The following UBR2 variants were observed in gnomAD, a reference collection of about 807,000 sequenced individuals.
UBR2 encodes the protein ubiquitin protein ligase E3 component n-recognin 2, also known as E3 ubiquitin-protein ligase UBR2.
A neutral mutation model predicts 247.9 loss-of-function variants in UBR2; 92 were observed. The ratio of observed to expected loss-of-function variants is 0.37; its 90% CI spans 0.31 to 0.44. UBR2 has a LOEUF of 0.44. UBR2 is among the 20% of genes least tolerant of loss of function. The pLI is 1.00. For missense variants in UBR2, 1,613 were observed against 2,112.6 expected, an observed-to-expected ratio of 0.76 and a Z score of 4.64; for synonymous variants, 672 against 693.5, an observed-to-expected ratio of 0.97 and a Z score of 0.49.
chr6:42,660,782 C>A (rs1749125689), intron 30 of UBR2, among the ~76,000 whole-genome samples: 2 of 149,442 alleles, frequency 1.3e-5, no homozygotes, highest in Non-Finnish European at 3.0e-5. Context: ...GCCAACATGG[C>A]GAAACCCCAT....
chr6:42,631,444 T>C (rs1795703999), intron 11 of UBR2, among the ~76,000 whole-genome samples: 3 of 152,194 alleles, frequency 2.0e-5, no homozygotes, highest in Admixed American at 2.0e-4. Context: ...TGAGCCTCTT[T>C]GTGGAAACAA....
chr6:42,657,355 A>G (rs1797503083), intron 26 of UBR2, among the ~76,000 whole-genome samples: 1 of 152,148 alleles, frequency 6.6e-6, no homozygotes, highest in Non-Finnish European at 1.5e-5. Flanking sequence ...ATTAAGACAC[A>G]CGATTTATTT....
intron 35 of UBR2, 49 bp downstream of exon 35, chr6:42,670,289 A>G: frequency 2.5e-6 from 4 of 1,594,720 alleles, no homozygotes; most frequent in South Asian, 1.1e-5. Flanking sequence ...ATTCATTGAT[A>G]TGAATTAGGC....
chr6:42,619,574 C>G, intron 11 of UBR2: 1 of 223,154 alleles, frequency 4.5e-6, no homozygotes, highest in Non-Finnish European at 8.6e-6. Flanking sequence ...CATGGTGAAA[C>G]CCCATCTCTA....
chr6:42,675,222 G>C (rs1160225188), intron 38 of UBR2, among the ~76,000 whole-genome samples: 1 of 152,202 alleles, frequency 6.6e-6, no homozygotes, highest in Non-Finnish European at 1.5e-5. Context: ...CTGCCATGCA[G>C]ACAGCAGGAG....
chr6:42,679,649 C>T, intron 41 of UBR2, 75 bp from the exon 42 acceptor site: 8 of 1,079,136 alleles, frequency 7.4e-6, no homozygotes, highest in Admixed American at 6.5e-5. Flanking sequence ...TTTTTAAACT[C>T]TGCTATTGCT....
chr6:42,667,587 C>CTTTTTTTTTT (rs1161068427), intron 34 of UBR2, among the ~76,000 whole-genome samples: 539 of 47,396 alleles, frequency 0.011, 8 homozygotes, highest in East Asian at 0.013. Flanking sequence ...ACAGTTTTGT[C>CTTTTTTTTTT]TTTTTTTTTT....
At chr6:42,637,280 C>CA in intron 15 of UBR2, 86 bp downstream of exon 15, 1 of 1,381,106 alleles carries the variant, frequency 7.2e-7, no homozygotes, top group East Asian at 2.4e-5. Flanking sequence ...TTACTTTGTG[C>CA]CAGATGTTAT....
chr6:42,651,009 C>G (rs1347997218), intron 23 of UBR2, among the ~76,000 whole-genome samples: 1 of 151,956 alleles, frequency 6.6e-6, no homozygotes, highest in Non-Finnish European at 1.5e-5. Context: ...ATCGCTTGAG[C>G]TCAGGAGTTC....
chr6:42,589,413 A>G (rs1582467221), intron 2 of UBR2, among the ~76,000 whole-genome samples: 2 of 152,168 alleles, frequency 1.3e-5, no homozygotes, highest in East Asian at 1.9e-4. Context: ...ACGTTGTTGG[A>G]TTCAATTTGC....
intron 24 of UBR2, 111 bp downstream of exon 24, chr6:42,652,182 T>G: frequency 9.3e-7 from 1 of 1,078,762 alleles, no homozygotes; most frequent in Non-Finnish European, 1.3e-6. Context: ...AAATGTAAGC[T>G]TTCCTAGTGA....
intron 17 of UBR2, 123 bp downstream of exon 17, chr6:42,641,815 T>A: frequency 1.5e-6 from 1 of 668,004 alleles, no homozygotes. Context: ...TTGAAAAGAT[T>A]AATGATAAAA....
At chr6:42,616,422 A>G (rs1236939905) in intron 10 of UBR2, among the ~76,000 whole-genome samples, 2 of 152,022 alleles carry the variant, frequency 1.3e-5, no homozygotes, top group African/African-American at 4.8e-5. Context: ...TTTAAATGAC[A>G]TATATATGAA....
intron 34 of UBR2, among the ~76,000 whole-genome samples, chr6:42,667,650 T>C (rs1385408234): frequency 7.1e-6 from 1 of 141,536 alleles, no homozygotes; most frequent in Non-Finnish European, 1.6e-5. Flanking sequence ...CTCAGTTTTG[T>C]CTTTCTTATA....
intron 14 of UBR2, 64 bp from the exon 15 acceptor site, chr6:42,636,947 T>C: frequency 6.5e-7 from 1 of 1,528,704 alleles, no homozygotes; most frequent in South Asian, 1.2e-5. Context: ...GAATTTAAGG[T>C]GCTTATTCAA....
chr6:42,564,243 C>A lies in UBR2; in HGVS notation c.-77C>A. ...GACTGATTGCCTGGGGCAGGGGTGG[C>A]AGTCGAGGCCGCCGGGGCCGAGGTG... is the stretch of plus-strand genomic sequence containing the variant. On this transcript the variant is annotated 5_prime_UTR_variant, in exon 1 of 47. Transcript: ENST00000372901. 1 of 1,527,712 alleles carries A rather than the reference C, an allele frequency of 6.5e-7. No homozygotes were observed. The highest frequency in any genetic ancestry group is 8.9e-7 in the Non-Finnish European group (1 of 1,125,466). 94.6% of individuals were successfully genotyped at this position (1,527,712 alleles called of 1,614,324 possible).
rs528610964 is a variant in UBR2, at chr6:42,600,485, G to A, written c.532-3103G>A. Among the ~76,000 whole-genome samples, 711 of 152,076 alleles carry A rather than the reference G, an allele frequency of 4.7e-3. 5 individuals carry two copies. The highest frequency in any genetic ancestry group is 0.016 in the African/African-American group (683 of 41,460). On this transcript the variant is annotated intron_variant, in intron 4 of 46. Coordinates refer to ENST00000372901, the MANE Select transcript of UBR2 (RefSeq NM_001363705.2). ...CATTTAATTTACCATCATAACATTC[G>A]TAGACTTGTACAGCTGTAGCATCTT...
chr6:42,592,140 T>A lies in UBR2; in HGVS notation c.339-11T>A. The A allele has an allele frequency of 6.3e-7, 1 of 1,598,364 alleles. No homozygotes were observed. The highest frequency in any genetic ancestry group is 8.5e-7 in the Non-Finnish European group (1 of 1,174,692). ...TTCTGACACTTTGATTTTTTTTTTT[T>A]AACTTTACAGAGACTGTGCAGTTGA... On this transcript the variant is annotated splice_polypyrimidine_tract_variant and intron_variant, in intron 2 of 46. Transcript: ENST00000372901.
chr6:42,647,026 T>C (rs1157885430), intron 21 of UBR2, among the ~76,000 whole-genome samples: 3 of 151,774 alleles, frequency 2.0e-5, no homozygotes, highest in African/African-American at 7.3e-5. Context: ...TTCTCTATGT[T>C]GTCCAGGCTG....
Sources: gnomAD v4.1 joint callset for allele counts (sites outside exome capture counted in the v4.1 genomes callset) on GRCh38, gnomAD v4.1.1 for gene constraint, MANE v1.5 for transcripts, NCBI Gene and HGNC (gene_info 2026-07-23, HGNC 2026-07-21) for gene names.